PHACTR1: variants seen among roughly 807,000 people sequenced by gnomAD.
PHACTR1 encodes the protein RPEL repeat containing 1.
A neutral mutation model predicts 69.2 loss-of-function variants in PHACTR1; 16 were observed. That is an observed-to-expected ratio of 0.23 (90% CI 0.16 to 0.35). The LOEUF (loss-of-function observed/expected upper bound fraction) is 0.35, where lower values mean the gene tolerates loss of function less well. Among genes scored for constraint, PHACTR1 ranks in the 10% least tolerant of loss-of-function variants. The pLI is 1.00. For synonymous variants in PHACTR1, 312 were observed against 284.5 expected, an observed-to-expected ratio of 1.10 and a Z score of -0.97; for missense variants, 510 against 734.7, an observed-to-expected ratio of 0.69 and a Z score of 3.54.
intron 4 of PHACTR1, among the ~76,000 whole-genome samples, chr6:12,910,876 G>A (rs1235782778): frequency 6.6e-6 from 1 of 152,216 alleles, no homozygotes; most frequent in Non-Finnish European, 1.5e-5. Flanking sequence ...GGGAACCTTA[G>A]AGATGGGAAG....
At chr6:13,218,892 A>AGAAGAGAAGAGAAGG (rs1768156064) in intron 8 of PHACTR1, among the ~76,000 whole-genome samples, 1 of 74,288 alleles carries the variant, frequency 1.3e-5, no homozygotes, top group Non-Finnish European at 3.6e-5. Flanking sequence ...AGAAGAGAAG[A>AGAAGAGAAGAGAAGG]GAAGAGAAGA....
intron 6 of PHACTR1, among the ~76,000 whole-genome samples, chr6:13,170,231 G>T (rs964274979): frequency 6.6e-6 from 1 of 152,166 alleles, no homozygotes; most frequent in African/African-American, 2.4e-5. Flanking sequence ...ATGAAAATTT[G>T]CGCAGATAAC....
chr6:12,919,983 A>G (rs1463240149), intron 4 of PHACTR1, among the ~76,000 whole-genome samples: 1 of 152,198 alleles, frequency 6.6e-6, no homozygotes, highest in African/African-American at 2.4e-5. Context: ...CTCAGTCTAT[A>G]TTAGTTTTTT....
intron 4 of PHACTR1, among the ~76,000 whole-genome samples, chr6:12,833,375 C>T (rs1777797333): frequency 6.6e-6 from 1 of 151,954 alleles, no homozygotes; most frequent in Non-Finnish European, 1.5e-5. Flanking sequence ...TCTCCTGCCT[C>T]ATCCTCCTGA....
At chr6:12,865,020 G>A (rs1449133146) in intron 4 of PHACTR1, among the ~76,000 whole-genome samples, 1 of 152,206 alleles carries the variant, frequency 6.6e-6, no homozygotes, top group African/African-American at 2.4e-5. Context: ...CACTAGCCAA[G>A]GGCAAGAAGT....
intron 4 of PHACTR1, among the ~76,000 whole-genome samples, chr6:13,008,255 C>G (rs1485229776): frequency 6.6e-6 from 1 of 152,132 alleles, no homozygotes. Flanking sequence ...GCCTCACTTG[C>G]GGGGCAATCA....
intron 4 of PHACTR1, among the ~76,000 whole-genome samples, chr6:12,811,757 G>A (rs980497310): frequency 7.2e-5 from 11 of 152,014 alleles, no homozygotes; most frequent in African/African-American, 1.2e-4. Flanking sequence ...ATCAGGTACC[G>A]TTGTTTACAT....
chr6:13,278,388 T>C (rs896988020), intron 12 of PHACTR1, 59 bp downstream of exon 12: 85 of 1,493,526 alleles, frequency 5.7e-5, no homozygotes, highest in Non-Finnish European at 7.1e-5. Flanking sequence ...CTGCCACACC[T>C]CTGCCCTCTG....
intron 5 of PHACTR1, among the ~76,000 whole-genome samples, chr6:13,157,774 T>A (rs942453421): frequency 6.6e-6 from 1 of 152,234 alleles, no homozygotes; most frequent in Non-Finnish European, 1.5e-5. Flanking sequence ...TGGCTTTTTG[T>A]CACCCAAACA....
chr6:12,855,500 G>T (rs1416205735), intron 4 of PHACTR1, among the ~76,000 whole-genome samples: 3 of 152,206 alleles, frequency 2.0e-5, no homozygotes, highest in African/African-American at 7.2e-5. Context: ...CAGCAATACT[G>T]ATGCGGTTGG....
chr6:12,944,174 A>C (rs1790349488), intron 4 of PHACTR1, among the ~76,000 whole-genome samples: 1 of 152,228 alleles, frequency 6.6e-6, no homozygotes, highest in Admixed American at 6.5e-5. Flanking sequence ...GGCAGGAGGC[A>C]CAGTGTGTCT....
intron 4 of PHACTR1, among the ~76,000 whole-genome samples, chr6:12,833,386 G>A (rs2127731771): frequency 6.6e-6 from 1 of 151,970 alleles, no homozygotes; most frequent in East Asian, 1.9e-4. Flanking sequence ...ATCCTCCTGA[G>A]TAGCTGGGAT....
intron 6 of PHACTR1, 32 bp from the exon 7 acceptor site, chr6:13,182,487 C>T (rs1221132311): frequency 1.2e-6 from 2 of 1,608,428 alleles, no homozygotes; most frequent in Non-Finnish European, 8.5e-7. Flanking sequence ...CAGACATTGT[C>T]TAACTCTGCA....
At chr6:13,028,117 T>G (rs2127683890) in intron 4 of PHACTR1, among the ~76,000 whole-genome samples, 1 of 152,322 alleles carries the variant, frequency 6.6e-6, no homozygotes, top group South Asian at 2.1e-4. Flanking sequence ...CACATGCATT[T>G]TATCACACAT....
chr6:13,093,911 A>G (rs1813698532), intron 5 of PHACTR1, among the ~76,000 whole-genome samples: 1 of 152,150 alleles, frequency 6.6e-6, no homozygotes, highest in African/African-American at 2.4e-5. Flanking sequence ...TTGCTCTGTC[A>G]CCCGGGCTGG....
chr6:13,222,927 G>T, intron 8 of PHACTR1, among the ~76,000 whole-genome samples: 1 of 152,178 alleles, frequency 6.6e-6, no homozygotes. Flanking sequence ...TGCATCATTG[G>T]TGGTACAGAA....
At chr6:12,979,175 T>C (rs1795215242) in intron 4 of PHACTR1, among the ~76,000 whole-genome samples, 2 of 152,206 alleles carry the variant, frequency 1.3e-5, no homozygotes, top group Admixed American at 6.5e-5. Context: ...GAGACTGTCA[T>C]ATTTAACCTT....
At chr6:13,075,180 C>T (rs975697202) in intron 5 of PHACTR1, among the ~76,000 whole-genome samples, 5 of 152,204 alleles carry the variant, frequency 3.3e-5, no homozygotes, top group South Asian at 2.1e-4. Flanking sequence ...GTGTCATTCA[C>T]TCTTCCAAGT....
chr6:13,158,503 AT>A (rs1221287471), intron 5 of PHACTR1, among the ~76,000 whole-genome samples: 1 of 152,134 alleles, frequency 6.6e-6, no homozygotes. Flanking sequence ...CCTAACATTT[AT>A]TTTTCTCCCT....
Sources: gnomAD v4.1 joint callset for allele counts (sites outside exome capture counted in the v4.1 genomes callset) on GRCh38, gnomAD v4.1.1 for gene constraint, MANE v1.5 for transcripts, NCBI Gene and HGNC (gene_info 2026-07-23, HGNC 2026-07-21) for gene names.